Variants in ATRNL1 observed in about 807,000 individuals in gnomAD.
ATRNL1 encodes the protein attractin-like protein 1.
A neutral mutation model predicts 182.7 loss-of-function variants in ATRNL1; 95 were observed. The observed-to-expected ratio is 0.52, with a 90% CI of 0.44 to 0.62. The LOEUF is 0.62. Ranked by LOEUF, ATRNL1 falls within the 20% of genes least tolerant of loss-of-function variation. The probability of loss-of-function intolerance (pLI) is 0.00; values close to 1 mark genes in which losing one functional copy is unlikely to be tolerated. For synonymous variants in ATRNL1, 576 were observed against 568.3 expected, an observed-to-expected ratio of 1.01 and a Z score of -0.19; for missense variants, 1,471 against 1,679.5, an observed-to-expected ratio of 0.88 and a Z score of 2.17.
At chr10:115,681,692 A>G (rs1946051941) in intron 26 of ATRNL1, among the ~76,000 whole-genome samples, 1 of 152,172 alleles carries the variant, frequency 6.6e-6, no homozygotes, top group Non-Finnish European at 1.5e-5. Flanking sequence ...TTCAAGCTAC[A>G]TAGATCTTTT....
intron 21 of ATRNL1, among the ~76,000 whole-genome samples, chr10:115,432,740 T>G (rs1372410159): frequency 6.6e-6 from 1 of 152,216 alleles, no homozygotes; most frequent in Admixed American, 6.5e-5. Context: ...TTATTGGCCC[T>G]TGTAAACATT....
intron 26 of ATRNL1, among the ~76,000 whole-genome samples, chr10:115,672,264 C>T (rs1283447752): frequency 6.6e-6 from 1 of 151,992 alleles, no homozygotes; most frequent in Non-Finnish European, 1.5e-5. Flanking sequence ...AAAGGAAGCT[C>T]AGGGGTTAAG....
intron 20 of ATRNL1, among the ~76,000 whole-genome samples, chr10:115,420,068 A>G (rs1385368673): frequency 7.1e-6 from 1 of 141,418 alleles, no homozygotes; most frequent in East Asian, 2.0e-4. Context: ...TTTGAGACAG[A>G]GTCTCACTGT....
intron 27 of ATRNL1, among the ~76,000 whole-genome samples, chr10:115,802,473 G>C (rs185866002): frequency 7.4e-4 from 112 of 152,244 alleles, no homozygotes; most frequent in South Asian, 3.9e-3. Flanking sequence ...ATTTTTGTGA[G>C]GGAAAACTTA....
intron 1 of ATRNL1, among the ~76,000 whole-genome samples, chr10:115,110,418 G>A (rs1291270570): frequency 6.6e-6 from 1 of 152,194 alleles, no homozygotes; most frequent in Non-Finnish European, 1.5e-5. Flanking sequence ...GCCTCTTGGT[G>A]CTGAGAGCGA....
chr10:115,772,597 CTGTGTGTGTGTGTGTGTG>C (rs57939999), intron 27 of ATRNL1, among the ~76,000 whole-genome samples: 1 of 140,350 alleles, frequency 7.1e-6, no homozygotes, highest in East Asian at 2.1e-4. Context: ...TATACTCTGT[CTGTGTGTGTGTGTGTGTG>C]TGTGTGTGTG....
chr10:115,613,644 C>G (rs1857279335), intron 26 of ATRNL1, among the ~76,000 whole-genome samples: 1 of 152,086 alleles, frequency 6.6e-6, no homozygotes, highest in African/African-American at 2.4e-5. Context: ...AGCAGTGAAC[C>G]CATCAGGTAC....
In ATRNL1 at chr10:115,878,686, A is replaced by G. The variant is rs147234050; in HGVS notation, c.4018+30695A>G. Among the ~76,000 whole-genome samples the G allele has an allele frequency of 3.5e-4, 54 of 152,262 alleles. No homozygotes were observed. In the East Asian group the frequency reaches 9.5e-3, roughly 27 times the overall value. On this transcript the variant is annotated intron_variant, in intron 28 of 28. Coordinates refer to ENST00000355044, the MANE Select transcript of ATRNL1 (RefSeq NM_207303.4). ...GCAAGAAAGTCCTGCTTGACATTGT[A>G]TTGGAGCCTTACAGTTTCAAGACTC...
chr10:115,098,075 T>C (rs1313203413), intron 1 of ATRNL1, among the ~76,000 whole-genome samples: 1 of 152,238 alleles, frequency 6.6e-6, no homozygotes, highest in Non-Finnish European at 1.5e-5. Flanking sequence ...AAGACTTCTT[T>C]ATTTCAAAGT....
At chr10:115,210,970 T>C (rs1429123524) in intron 8 of ATRNL1, among the ~76,000 whole-genome samples, 5 of 151,868 alleles carry the variant, frequency 3.3e-5, no homozygotes, top group Non-Finnish European at 5.9e-5. Flanking sequence ...CATCATCATA[T>C]ATTATTTATA....
chr10:115,724,315 T>C (rs1593126340), intron 26 of ATRNL1, among the ~76,000 whole-genome samples: 1 of 152,032 alleles, frequency 6.6e-6, no homozygotes, highest in East Asian at 1.9e-4. Flanking sequence ...TCTCATAAAT[T>C]TGCAAAACAT....
At chr10:115,456,985 G>A (rs1317815177) in intron 21 of ATRNL1, among the ~76,000 whole-genome samples, 1 of 152,060 alleles carries the variant, frequency 6.6e-6, no homozygotes, top group Non-Finnish European at 1.5e-5. Flanking sequence ...TTCAGCAAGT[G>A]GAATGAAGTG....
intron 27 of ATRNL1, among the ~76,000 whole-genome samples, chr10:115,829,613 T>C (rs782758089): frequency 6.6e-6 from 1 of 152,096 alleles, no homozygotes; most frequent in African/African-American, 2.4e-5. Context: ...AGCTAGCATA[T>C]ACTTTTAAGC....
chr10:115,882,613 T>C (rs1317953811), intron 28 of ATRNL1, among the ~76,000 whole-genome samples: 1 of 152,214 alleles, frequency 6.6e-6, no homozygotes, highest in Non-Finnish European at 1.5e-5. Flanking sequence ...TCCAGACTCC[T>C]TGTAGGCAGT....
At chr10:115,290,423 G>C (rs1428066980) in intron 15 of ATRNL1, among the ~76,000 whole-genome samples, 1 of 152,154 alleles carries the variant, frequency 6.6e-6, no homozygotes, top group Non-Finnish European at 1.5e-5. Flanking sequence ...GGGAGGCTGA[G>C]GCGAATGGAT....
At chr10:115,730,210 T>A (rs1276491876) in intron 27 of ATRNL1, among the ~76,000 whole-genome samples, 1 of 123,912 alleles carries the variant, frequency 8.1e-6, no homozygotes, top group Non-Finnish European at 1.6e-5. Context: ...TGAGCCAAGA[T>A]TGCACCACTG....
At chr10:115,332,383 T>C (rs1431858588) in intron 18 of ATRNL1, among the ~76,000 whole-genome samples, 2 of 152,204 alleles carry the variant, frequency 1.3e-5, no homozygotes, top group African/African-American at 4.8e-5. Flanking sequence ...GTTGTTCAAA[T>C]TGATGTTTCT....
chr10:115,842,886 CT>C (rs1325821596), intron 27 of ATRNL1, among the ~76,000 whole-genome samples: 1 of 151,938 alleles, frequency 6.6e-6, no homozygotes, highest in Non-Finnish European at 1.5e-5. Flanking sequence ...TAACAGTATC[CT>C]GCTAATAGGA....
chr10:115,802,633 A>G (rs1366515623), intron 27 of ATRNL1, among the ~76,000 whole-genome samples: 1 of 152,360 alleles, frequency 6.6e-6, no homozygotes, highest in Admixed American at 6.5e-5. Flanking sequence ...CATTTTTAAA[A>G]TGGCAATATT....
Sources: allele counts gnomAD v4.1 joint callset (sites outside exome capture counted in the v4.1 genomes callset), GRCh38; gene constraint gnomAD v4.1.1; transcripts MANE v1.5; gene names NCBI Gene and HGNC (gene_info 2026-07-23, HGNC 2026-07-21).